LTBP1: variants seen among roughly 807,000 people sequenced by gnomAD.
LTBP1 encodes the protein latent-transforming growth factor beta-binding protein 1.
LTBP1 carries 129 observed loss-of-function variants against 207.6 expected under a neutral mutation model. The observed-to-expected ratio is 0.62, with a 90% CI of 0.54 to 0.72. The LOEUF is 0.72. Among genes scored for constraint, LTBP1 ranks in the 30% least tolerant of loss-of-function variants. The pLI is 0.00. For missense variants in LTBP1, 2,281 were observed against 2,217.2 expected, an observed-to-expected ratio of 1.03 and a Z score of -0.58; for synonymous variants, 963 against 833.7, an observed-to-expected ratio of 1.16 and a Z score of -2.67.
intron 7 of LTBP1, among the ~76,000 whole-genome samples, chr2:33,205,788 G>C (rs1398454115): frequency 6.6e-6 from 1 of 152,192 alleles, no homozygotes; most frequent in East Asian, 1.9e-4. Context: ...CCTAAAAGGA[G>C]ATAACTAAGG....
intron 31 of LTBP1, among the ~76,000 whole-genome samples, chr2:33,371,344 C>T (rs1026091299): frequency 6.6e-6 from 1 of 152,166 alleles, no homozygotes; most frequent in Admixed American, 6.5e-5. Flanking sequence ...TCACAGTACC[C>T]GCTGATCCTG....
intron 20 of LTBP1, among the ~76,000 whole-genome samples, chr2:33,298,103 A>T (rs1157488278): frequency 6.6e-6 from 1 of 152,256 alleles, no homozygotes; most frequent in Admixed American, 6.5e-5. Flanking sequence ...AAAAGAAAGA[A>T]GACATTTGTC....
intron 3 of LTBP1, among the ~76,000 whole-genome samples, chr2:33,097,628 G>A (rs1204551904): frequency 6.6e-6 from 1 of 152,078 alleles, no homozygotes; most frequent in African/African-American, 2.4e-5. Context: ...TCACAAATAA[G>A]TAGTATTAAT....
intron 11 of LTBP1, among the ~76,000 whole-genome samples, chr2:33,255,424 C>A (rs920049752): frequency 6.6e-6 from 1 of 152,086 alleles, no homozygotes; most frequent in East Asian, 1.9e-4. Flanking sequence ...GTCAGTGTGG[C>A]GATTCCTCAG....
chr2:33,151,554 C>T (rs564102153), intron 5 of LTBP1, among the ~76,000 whole-genome samples: 3 of 151,964 alleles, frequency 2.0e-5, no homozygotes, highest in Non-Finnish European at 2.9e-5. Flanking sequence ...GATTTTGGTG[C>T]ACCCATCACC....
Position 33,342,823 on chromosome 2 carries a change from A to G in LTBP1, c.3731-15A>G. 1 of 1,612,278 alleles carries G rather than the reference A, an allele frequency of 6.2e-7. No homozygotes were observed. Among genetic ancestry groups the G allele is most frequent in the Non-Finnish European group, 8.5e-7 (1 of 1,178,700 alleles). ...GTGTTTGTTTTGTGTCTGATGTTCC[A>G]TGTCTTTTTTGCAGATATTGATGAA... On this transcript the variant is annotated splice_polypyrimidine_tract_variant and intron_variant, in intron 24 of 33. Coordinates refer to ENST00000404816, the MANE Select transcript of LTBP1 (RefSeq NM_206943.4).
At chr2:33,053,072 T>C (rs1019031278) in intron 3 of LTBP1, among the ~76,000 whole-genome samples, 12 of 152,204 alleles carry the variant, frequency 7.9e-5, no homozygotes, top group Admixed American at 3.9e-4. Flanking sequence ...GGTTTCACTA[T>C]GTTGGTCAGG....
At chr2:33,046,762 G>C (rs555440965) in intron 3 of LTBP1, among the ~76,000 whole-genome samples, 1 of 152,192 alleles carries the variant, frequency 6.6e-6, no homozygotes, top group Non-Finnish European at 1.5e-5. Context: ...TTGGTTGGTA[G>C]GCTATTAATT....
Position 33,360,662 on chromosome 2 carries a change from G to A in LTBP1, c.4066G>A (p.Ala1356Thr), listed in dbSNP as rs569029644. 28 of 1,613,496 alleles carry A rather than the reference G, an allele frequency of 1.7e-5. No homozygotes were observed. Among genetic ancestry groups the A allele is most frequent in the Admixed American group, 6.7e-5 (4 of 60,014 alleles). ...AGAATGCTACTATAATCTCAATGAC[G>A]CCAGTCTCTGTGATAATGTGTTGGC... ...KKECYYNLND[A>T]SLCDNVLAPN... Residue 1356 changes from alanine (A) to threonine (T), a missense_variant, in exon 27 of 34, where the codon GCC becomes ACC. This residue lies in a region of LTBP1 where 1,671 missense variants were observed against 1,634.8 expected (regional missense o/e 1.02). Transcript: ENST00000404816.
intron 4 of LTBP1, among the ~76,000 whole-genome samples, chr2:33,123,428 T>G (rs1004950481): frequency 7.2e-5 from 11 of 152,026 alleles, no homozygotes; most frequent in African/African-American, 2.7e-4. Context: ...GCAACCACAA[T>G]GCAGTATGTG....
chr2:33,041,024 A>G (rs774790952), intron 3 of LTBP1, among the ~76,000 whole-genome samples: 1 of 152,152 alleles, frequency 6.6e-6, no homozygotes, highest in Non-Finnish European at 1.5e-5. Context: ...CCTTTTATAG[A>G]TCTGGAAAAT....
intron 20 of LTBP1, among the ~76,000 whole-genome samples, chr2:33,300,045 T>G (rs2093955030): frequency 6.6e-6 from 1 of 152,200 alleles, no homozygotes; most frequent in African/African-American, 2.4e-5. Context: ...CCTATGTTTT[T>G]GGTTTTGTTT....
intron 7 of LTBP1, among the ~76,000 whole-genome samples, chr2:33,193,338 C>T (rs561425019): frequency 7.2e-5 from 11 of 152,278 alleles, no homozygotes; most frequent in African/African-American, 2.6e-4. Flanking sequence ...GACGGGGTTT[C>T]ACCATGTTGC....
chr2:33,334,931 A>AAAAG lies in LTBP1; in HGVS notation c.3731-7907_3731-7906insAAAG, dbSNP rs936727314. On this transcript the variant is annotated intron_variant, in intron 24 of 33. Transcript: ENST00000404816. ...TAAAAATTAAAAAAAAAAAAAAAAAATGCCAGGCATGGCAGCATACACCTG... is the reference window on the plus strand; with the variant it reads ...TAAAAATTAAAAAAAAAAAAAAAAAAAAAGTGCCAGGCATGGCAGCATACACCTG... Among the ~76,000 whole-genome samples the AAAAG allele has an allele frequency of 8.2e-4, 123 of 149,666 alleles. No homozygotes were observed. The Middle Eastern group carries it at 0.017, about 21-fold the overall frequency.
intron 7 of LTBP1, among the ~76,000 whole-genome samples, chr2:33,195,251 A>G (rs796333490): frequency 4.1e-4 from 62 of 152,310 alleles, no homozygotes; most frequent in African/African-American, 1.5e-3. Flanking sequence ...TTTTAAGGCT[A>G]TTACTGCCAT....
intron 2 of LTBP1, among the ~76,000 whole-genome samples, chr2:32,986,393 T>C (rs1280676444): frequency 6.6e-6 from 1 of 152,118 alleles, no homozygotes; most frequent in Non-Finnish European, 1.5e-5. Context: ...AAGTGGATGA[T>C]ACACAGACTG....
At chr2:33,313,101 A>G (rs754915478) in intron 23 of LTBP1, among the ~76,000 whole-genome samples, 15 of 152,270 alleles carry the variant, frequency 9.9e-5, no homozygotes, top group Non-Finnish European at 1.8e-4. Flanking sequence ...ATTTTATCAA[A>G]GAAGTAAAGA....
intron 4 of LTBP1, among the ~76,000 whole-genome samples, chr2:33,113,106 A>G (rs1173441691): frequency 2.0e-5 from 3 of 152,200 alleles, no homozygotes; most frequent in Non-Finnish European, 4.4e-5. Context: ...ATTACTTTTG[A>G]GAAGCTATGG....
chr2:33,396,073 A>G (rs1442734689), intron 32 of LTBP1, among the ~76,000 whole-genome samples: 1 of 152,118 alleles, frequency 6.6e-6, no homozygotes, highest in African/African-American at 2.4e-5. Flanking sequence ...TTACATCACA[A>G]AAACTCTAAA....
Sources: allele counts gnomAD v4.1 joint callset (sites outside exome capture counted in the v4.1 genomes callset), GRCh38; gene constraint gnomAD v4.1.1; regional missense constraint gnomAD v4.1.1; transcripts MANE v1.5; gene names NCBI Gene and HGNC (gene_info 2026-07-23, HGNC 2026-07-21).